The following STARD13 variants were observed in gnomAD, a reference collection of about 807,000 sequenced individuals.
The protein encoded by STARD13 is StAR related lipid transfer domain containing 13.
STARD13 carries 62 observed loss-of-function variants against 106.4 expected under a neutral mutation model. The observed-to-expected ratio is 0.58, with a 90% CI of 0.48 to 0.72. STARD13 has a LOEUF of 0.72. Ranked by LOEUF, STARD13 falls within the 30% of genes least tolerant of loss-of-function variation. STARD13 has a pLI of 0.00. For missense variants in STARD13, 1,387 were observed against 1,424.0 expected, an observed-to-expected ratio of 0.97 and a Z score of 0.42; for synonymous variants, 565 against 553.0, an observed-to-expected ratio of 1.02 and a Z score of -0.31.
chr13:33,385,362 G>C, the STARD13 span, among the ~76,000 whole-genome samples: 1 of 144,862 alleles, frequency 6.9e-6, no homozygotes, highest in African/African-American at 2.5e-5. Flanking sequence ...TGGTACAGCT[G>C]TCCTAAACTG....
At chr13:33,461,307 G>A in the STARD13 span, among the ~76,000 whole-genome samples, 1 of 152,216 alleles carries the variant, frequency 6.6e-6, no homozygotes, top group African/African-American at 2.4e-5. Context: ...CCTGTGACAT[G>A]TCTCTCTTGT....
intron 1 of STARD13, chr13:33,276,631 C>G (rs1438308775): frequency 1.3e-5 from 2 of 152,044 alleles, no homozygotes; most frequent in African/African-American, 4.8e-5. Context: ...AGATTGAATA[C>G]TAATCAAAGG....
At chr13:33,147,431 A>C (rs1003534664) in intron 3 of STARD13, among the ~76,000 whole-genome samples, 3 of 152,234 alleles carry the variant, frequency 2.0e-5, no homozygotes, top group African/African-American at 7.2e-5. Flanking sequence ...TGTAACATGC[A>C]CAAAGAGCCG....
At chr13:33,593,267 C>T in the STARD13 span, among the ~76,000 whole-genome samples, 5 of 152,090 alleles carry the variant, frequency 3.3e-5, no homozygotes, top group Admixed American at 3.3e-4. Flanking sequence ...CCACTGCAAC[C>T]TCTGCCTCCC....
At chr13:33,252,202 C>T (rs1890124853) in intron 1 of STARD13, among the ~76,000 whole-genome samples, 1 of 152,120 alleles carries the variant, frequency 6.6e-6, no homozygotes, top group Non-Finnish European at 1.5e-5. Flanking sequence ...CAGAGGCTGC[C>T]CTTTATTTGG....
chr13:33,231,160 G>A (rs1033128861), intron 1 of STARD13, among the ~76,000 whole-genome samples: 1 of 152,164 alleles, frequency 6.6e-6, no homozygotes, highest in African/African-American at 2.4e-5. Flanking sequence ...TTATCTCAAG[G>A]GTGAGACACA....
At chr13:33,597,635 C>T in the STARD13 span, among the ~76,000 whole-genome samples, 7 of 151,180 alleles carry the variant, frequency 4.6e-5, no homozygotes, top group African/African-American at 2.4e-5. Flanking sequence ...CACCTGAGGT[C>T]GGGAGTTCCA....
the STARD13 span, among the ~76,000 whole-genome samples, chr13:33,604,554 T>C: frequency 6.6e-6 from 1 of 152,136 alleles, no homozygotes; most frequent in Non-Finnish European, 1.5e-5. Flanking sequence ...TCCAGCAATT[T>C]GGGAGGCCAA....
At chr13:33,664,565 G>A in the STARD13 span, among the ~76,000 whole-genome samples, 2 of 152,168 alleles carry the variant, frequency 1.3e-5, no homozygotes, top group African/African-American at 4.8e-5. Flanking sequence ...TCTTGTTCTT[G>A]TTGAAATTGA....
At chr13:33,298,395 C>T (rs1205356787) in intron 1 of STARD13, among the ~76,000 whole-genome samples, 1 of 151,728 alleles carries the variant, frequency 6.6e-6, no homozygotes, top group Non-Finnish European at 1.5e-5. Flanking sequence ...CCTCGGCCTC[C>T]CAAAGTGCTG....
At chr13:33,529,537 G>C in the STARD13 span, among the ~76,000 whole-genome samples, 6 of 152,034 alleles carry the variant, frequency 3.9e-5, no homozygotes, top group African/African-American at 1.4e-4. Context: ...GCCAAGTGTT[G>C]TCCCAGGACT....
Position 33,112,797 on chromosome 13 carries a change from T to C in STARD13, c.2416A>G (p.Thr806Ala). ...AGACACACTGCCAGGTTCATGGGCGTCATCTGATTCTCTTCCACCAAGTTG... is the reference window on the plus strand; with the variant it reads ...AGACACACTGCCAGGTTCATGGGCGCCATCTGATTCTCTTCCACCAAGTTG... ...VVNLVEENQMTPMNLAVCLAP... is the reference protein window; with the variant it reads ...VVNLVEENQMAPMNLAVCLAP... The change falls in exon 9 of 14, where the codon ACG (threonine) becomes GCG (alanine). Residue 806 changes from threonine (T) to alanine (A), a missense_variant. Coordinates refer to ENST00000336934, the MANE Select transcript of STARD13 (RefSeq NM_178006.4). The C allele has an allele frequency of 6.2e-7, 1 of 1,613,974 alleles. No individual in the cohort carries two copies. The highest frequency in any genetic ancestry group is 8.5e-7 in the Non-Finnish European group (1 of 1,179,924).
At chr13:33,596,079 T>G in the STARD13 span, among the ~76,000 whole-genome samples, 1 of 152,294 alleles carries the variant, frequency 6.6e-6, no homozygotes, top group African/African-American at 2.4e-5. Flanking sequence ...CAATATGTGA[T>G]TTCATAGTTT....
the STARD13 span, among the ~76,000 whole-genome samples, chr13:33,530,891 G>T: frequency 1.3e-5 from 2 of 152,136 alleles, no homozygotes; most frequent in African/African-American, 4.8e-5. Context: ...ATATAGGAAA[G>T]CAGAATACTT....
chr13:33,481,851 G>A, the STARD13 span, among the ~76,000 whole-genome samples: 2,209 of 109,000 alleles, frequency 0.02, 59 homozygotes, highest in African/African-American at 0.082. Flanking sequence ...TGGTGGTGGC[G>A]GGCGCCTGTA....
chr13:33,261,340 G>A (rs990046804), intron 1 of STARD13, among the ~76,000 whole-genome samples: 1 of 152,158 alleles, frequency 6.6e-6, no homozygotes, highest in African/African-American at 2.4e-5. Context: ...GCCCCCAAAT[G>A]TCGATAGTGG....
intron 1 of STARD13, among the ~76,000 whole-genome samples, chr13:33,271,056 T>G (rs943473256): frequency 6.6e-6 from 1 of 152,206 alleles, no homozygotes; most frequent in Admixed American, 6.5e-5. Context: ...GTTTTGCTTC[T>G]GGCAAAATTT....
chr13:33,402,217 T>A, the STARD13 span, among the ~76,000 whole-genome samples: 1 of 152,224 alleles, frequency 6.6e-6, no homozygotes, highest in Non-Finnish European at 1.5e-5. Context: ...AGAAGGTGTT[T>A]ACAATCACTC....
At chr13:33,544,898 T>C in the STARD13 span, among the ~76,000 whole-genome samples, 1 of 151,090 alleles carries the variant, frequency 6.6e-6, no homozygotes, top group East Asian at 2.0e-4. Context: ...CTCAACCTCC[T>C]GAGTAGCTGG....
Sources: allele counts gnomAD v4.1 joint callset (sites outside exome capture counted in the v4.1 genomes callset), GRCh38; gene constraint gnomAD v4.1.1; transcripts MANE v1.5; gene names NCBI Gene and HGNC (gene_info 2026-07-23, HGNC 2026-07-21).